IRAK2: variants seen among roughly 807,000 people sequenced by gnomAD.
IRAK2 encodes the protein interleukin 1 receptor associated kinase 2.
In IRAK2, 57 loss-of-function variants were observed where a neutral mutation model predicts 72.0. That is an observed-to-expected ratio of 0.79 (90% CI 0.64 to 0.99). The LOEUF (loss-of-function observed/expected upper bound fraction) is 0.99. IRAK2 is among the 50% of genes least tolerant of loss of function. IRAK2 has a pLI of 0.00. For synonymous variants in IRAK2, 293 were observed against 312.7 expected, an observed-to-expected ratio of 0.94 and a Z score of 0.67; for missense variants, 790 against 794.4, an observed-to-expected ratio of 0.99 and a Z score of 0.07.
chr3:10,208,688 G>A (rs994602676), intron 3 of IRAK2, among the ~76,000 whole-genome samples: 8 of 151,740 alleles, frequency 5.3e-5, no homozygotes, highest in South Asian at 4.2e-4. Flanking sequence ...GTGTGAACCC[G>A]GGAGGCGGAG....
intron 12 of IRAK2, among the ~76,000 whole-genome samples, chr3:10,240,199 G>C (rs1036128298): frequency 2.0e-5 from 3 of 151,230 alleles, no homozygotes; most frequent in African/African-American, 7.3e-5. Context: ...GCTCACGCCT[G>C]TAATCCCAGC....
At chr3:10,166,462 G>T (rs952613956) in intron 1 of IRAK2, among the ~76,000 whole-genome samples, 1 of 152,082 alleles carries the variant, frequency 6.6e-6, no homozygotes, top group Non-Finnish European at 1.5e-5. Context: ...TGCATTCCAG[G>T]CTCTTGCTGT....
At chr3:10,173,766 A>C (rs1003647579) in intron 1 of IRAK2, among the ~76,000 whole-genome samples, 1 of 152,168 alleles carries the variant, frequency 6.6e-6, no homozygotes, top group East Asian at 1.9e-4. Flanking sequence ...CATAGGCTGC[A>C]GTGAACTGAG....
chr3:10,203,187 G>T (rs1324907727), intron 3 of IRAK2, among the ~76,000 whole-genome samples: 1 of 151,834 alleles, frequency 6.6e-6, no homozygotes, highest in African/African-American at 2.4e-5. Flanking sequence ...TGTAAAGATG[G>T]GGTTTCGCTG....
At chr3:10,224,356 A>G (rs1416390061) in intron 9 of IRAK2, among the ~76,000 whole-genome samples, 3 of 151,512 alleles carry the variant, frequency 2.0e-5, no homozygotes, top group Non-Finnish European at 4.4e-5. Flanking sequence ...AAAAAAGAAA[A>G]AAAAGAACCA....
In IRAK2 at chr3:10,213,239, A is replaced by T. The variant is rs1428549369; in HGVS notation, c.561A>T (p.Lys187Asn). 2 of 1,614,018 alleles carry T rather than the reference A, an allele frequency of 1.2e-6. No homozygotes were observed. Among genetic ancestry groups the T allele is most frequent in the Admixed American group, 3.3e-5 (2 of 59,998 alleles). Residue 187 changes from lysine to asparagine, a missense_variant, in exon 5 of 13, where the codon AAA (lysine) becomes AAT (asparagine). Lys to Asn is a moderately conservative substitution (Grantham distance 94, BLOSUM62 0). Transcript: ENST00000256458. ...DFSTSIPKQE[K>N]LLSLAGDSLF... ...GCACCTCCATTCCTAAGCAGGAAAA[A>T]CTTTTGAGCTTGGCTGGAGACAGCC...
At chr3:10,181,114 C>T (rs1559440064) in intron 2 of IRAK2, among the ~76,000 whole-genome samples, 1 of 152,086 alleles carries the variant, frequency 6.6e-6, no homozygotes, top group Non-Finnish European at 1.5e-5. Flanking sequence ...TGTCTCCACC[C>T]CTGCTGGCTG....
At position 10,177,989 on chromosome 3, in the gene IRAK2, G is replaced by C; in HGVS notation, c.246G>C (p.Glu82Asp). 6.2e-7 allele frequency: 1 copy of C among 1,612,334 alleles called. No individual in the cohort carries two copies. The highest frequency in any genetic ancestry group is 8.5e-7 in the Non-Finnish European group (1 of 1,179,374). ...TTGTGGACCTCCTGTGCCGCCTGGAGCTCTACCGGGCTGCCCAGATCATCC... is the reference window on the plus strand; with the variant it reads ...TTGTGGACCTCCTGTGCCGCCTGGACCTCTACCGGGCTGCCCAGATCATCC... The part of the protein sequence containing the change: ...QQLVDLLCRL[E>D]LYRAAQIILN... Residue 82 changes from glutamate (E) to aspartate (D), a missense_variant, in exon 2 of 13, where the codon GAG becomes GAC. Glu to Asp is a conservative substitution (Grantham distance 45). Coordinates refer to ENST00000256458, the MANE Select transcript of IRAK2 (RefSeq NM_001570.4).
intron 3 of IRAK2, among the ~76,000 whole-genome samples, chr3:10,202,341 C>T (rs1240724763): frequency 6.6e-6 from 1 of 152,172 alleles, no homozygotes; most frequent in Non-Finnish European, 1.5e-5. Context: ...ACATCACAGC[C>T]AGCCGGGCGT....
chr3:10,207,697 TG>T (rs1279052583), intron 3 of IRAK2, among the ~76,000 whole-genome samples: 1 of 152,174 alleles, frequency 6.6e-6, no homozygotes, highest in Non-Finnish European at 1.5e-5. Flanking sequence ...ACTAAGGGAT[TG>T]GGGCATAGAC....
chr3:10,240,042 G>C (rs1362721311), intron 12 of IRAK2, among the ~76,000 whole-genome samples: 3 of 151,770 alleles, frequency 2.0e-5, no homozygotes, highest in African/African-American at 7.3e-5. Flanking sequence ...AGCTACTTGG[G>C]AGGCTGAGGC....
At position 10,180,969 on chromosome 3, in the gene IRAK2, A is replaced by G. The variant is rs533756707; in HGVS notation, c.277+2949A>G. Among the ~76,000 whole-genome samples, 15 of 152,038 alleles carry G rather than the reference A, an allele frequency of 9.9e-5. No individual in the cohort carries two copies. In the East Asian group the frequency reaches 3.0e-3, roughly 30 times the overall value. ...CGGGAATGGGGCGATCTGGCTACCA[A>G]TGGGAGTGATGTTCCAGCACAGGAC... On this transcript the variant is annotated intron_variant, in intron 2 of 12. Transcript: ENST00000256458.
intron 10 of IRAK2, among the ~76,000 whole-genome samples, chr3:10,227,720 G>C (rs1015562056): frequency 6.6e-6 from 1 of 150,988 alleles, no homozygotes; most frequent in Non-Finnish European, 1.5e-5. Context: ...CCAGGCTGCA[G>C]TGCAGTGGTG....
At chr3:10,212,378 A>G (rs1386071871) in intron 4 of IRAK2, among the ~76,000 whole-genome samples, 1 of 143,748 alleles carries the variant, frequency 7.0e-6, no homozygotes, top group African/African-American at 2.6e-5. Context: ...TTCTTCTTCC[A>G]GTGTGGTCCA....
At chr3:10,226,220 A>G (rs1046474935) in intron 9 of IRAK2, 151 bp from the exon 10 acceptor site, 6 of 565,662 alleles carry the variant, frequency 1.1e-5, no homozygotes, top group African/African-American at 7.5e-5. Flanking sequence ...GTTTAGTGAT[A>G]TTCCCATGTT....
chr3:10,239,324 C>T (rs778881426), intron 12 of IRAK2, among the ~76,000 whole-genome samples: 1 of 152,212 alleles, frequency 6.6e-6, no homozygotes, highest in Non-Finnish European at 1.5e-5. Context: ...CTCCTGTCCT[C>T]AGGGGACTGC....
chr3:10,213,327 A>C lies in IRAK2; in HGVS notation c.649A>C (p.Ser217Arg), dbSNP rs201637572. 2 of 1,614,160 alleles carry C rather than the reference A, an allele frequency of 1.2e-6. No homozygotes were observed. ...TGACTTCAATCAAAACCGCAAAATC[A>C]GCCAGGGGACCTTTGCTGACGTCTA... ...TDDFNQNRKI[S>R]QGTFADVYRG... is the part of the protein sequence containing the mutation. Residue 217 changes from serine (S) to arginine (R), a missense_variant, in exon 5 of 13, where the codon AGC becomes CGC. Coordinates refer to ENST00000256458, the MANE Select transcript of IRAK2 (RefSeq NM_001570.4).
intron 1 of IRAK2, among the ~76,000 whole-genome samples, chr3:10,166,173 C>G (rs1696686219): frequency 3.9e-5 from 6 of 152,196 alleles, no homozygotes; most frequent in Admixed American, 3.9e-4. Context: ...CAGATATTTA[C>G]TTTTAGTGTA....
intron 7 of IRAK2, among the ~76,000 whole-genome samples, chr3:10,219,350 G>A (rs919636073): frequency 1.3e-5 from 2 of 150,740 alleles, no homozygotes; most frequent in Admixed American, 6.6e-5. Context: ...ATGGAGTCTC[G>A]CTCTGTCACC....
Sources: allele counts gnomAD v4.1 joint callset (sites outside exome capture counted in the v4.1 genomes callset), GRCh38; gene constraint gnomAD v4.1.1; transcripts MANE v1.5; gene names NCBI Gene and HGNC (gene_info 2026-07-23, HGNC 2026-07-21).